Variants in CORO1C observed in about 807,000 individuals in gnomAD.
The protein encoded by CORO1C is coronin-1C.
In CORO1C, 14 loss-of-function variants were observed where a neutral mutation model predicts 51.2. The ratio of observed to expected loss-of-function variants is 0.27; its 90% CI spans 0.18 to 0.43. CORO1C has a LOEUF of 0.43. Ranked by LOEUF, CORO1C falls within the 20% of genes least tolerant of loss-of-function variation. The pLI is 1.00. For synonymous variants in CORO1C, 181 were observed against 210.5 expected (o/e 0.86, Z 1.21); for missense variants, 417 against 607.8 (o/e 0.69, Z 3.30).
intron 2 of CORO1C, among the ~76,000 whole-genome samples, chr12:108,695,844 G>T (rs1331974511): frequency 7.4e-6 from 1 of 134,458 alleles, no homozygotes; most frequent in East Asian, 2.1e-4. Flanking sequence ...ATCACCCTTG[G>T]GAGAACTAAA....
intron 3 of CORO1C, among the ~76,000 whole-genome samples, chr12:108,667,202 A>C (rs573070891): frequency 6.6e-6 from 1 of 152,338 alleles, no homozygotes; most frequent in Non-Finnish European, 1.5e-5. Flanking sequence ...TTGTCTTCAA[A>C]TTAATTCAGC....
At chr12:108,679,300 C>G (rs1200768572) in intron 2 of CORO1C, among the ~76,000 whole-genome samples, 1 of 152,004 alleles carries the variant, frequency 6.6e-6, no homozygotes, top group East Asian at 1.9e-4. Context: ...TTAACACCAA[C>G]TTAGACCTCA....
chr12:108,671,512 GA>G (rs2033720046), intron 3 of CORO1C, among the ~76,000 whole-genome samples: 1 of 151,018 alleles, frequency 6.6e-6, no homozygotes, highest in African/African-American at 2.4e-5. Flanking sequence ...AAAAAGACTG[GA>G]AACTATATAT....
In CORO1C at chr12:108,654,388, G is replaced by C; in HGVS notation, c.773C>G (p.Ala258Gly). The C allele has an allele frequency of 4.3e-6, 7 of 1,610,672 alleles. No homozygotes were observed. The highest frequency in any genetic ancestry group is 5.9e-6 in the Non-Finnish European group (7 of 1,177,312). ...WNPKNMQEPIALHEMDTSNGV... is the reference protein window; with the variant it reads ...WNPKNMQEPIGLHEMDTSNGV... ...ATTGCTAGTGTCCATCTCATGAAGA[G>C]CAATTGGTTCCTGCATATTTTTCTG... Residue 258 changes from alanine (A) to glycine (G), a missense_variant, in exon 7 of 11, where the codon GCT becomes GGT. Transcript: ENST00000261401.
chr12:108,654,899 T>TG (rs2032867164), intron 6 of CORO1C, among the ~76,000 whole-genome samples: 1 of 151,974 alleles, frequency 6.6e-6, no homozygotes, highest in African/African-American at 2.4e-5. Context: ...AGACACAGAG[T>TG]TTCACCATGT....
intron 1 of CORO1C, among the ~76,000 whole-genome samples, chr12:108,705,277 G>A (rs916125655): frequency 4.6e-5 from 7 of 151,678 alleles, no homozygotes; most frequent in Non-Finnish European, 7.4e-5. Flanking sequence ...TCAGGAGTTC[G>A]AGACCAGCTT....
chr12:108,674,312 G>C (rs1229143254), intron 3 of CORO1C, among the ~76,000 whole-genome samples: 2 of 152,160 alleles, frequency 1.3e-5, no homozygotes, highest in Admixed American at 1.3e-4. Flanking sequence ...CCTTTGGGAG[G>C]CCAAGGCGGG....
At chr12:108,716,359 A>C (rs2035337785) in intron 1 of CORO1C, among the ~76,000 whole-genome samples, 1 of 152,186 alleles carries the variant, frequency 6.6e-6, no homozygotes, top group Non-Finnish European at 1.5e-5. Flanking sequence ...CTGGATGCTC[A>C]TATCTTAAAA....
intron 1 of CORO1C, among the ~76,000 whole-genome samples, chr12:108,710,560 TTC>T (rs2035150480): frequency 6.6e-6 from 1 of 152,038 alleles, no homozygotes; most frequent in South Asian, 2.1e-4. Context: ...GTTAAAATTT[TTC>T]TTTTTTTTTT....
intron 1 of CORO1C, among the ~76,000 whole-genome samples, chr12:108,714,648 G>C (rs1592945023): frequency 6.6e-6 from 1 of 151,994 alleles, no homozygotes; most frequent in East Asian, 1.9e-4. Context: ...TGTGGTCCCA[G>C]CTACTCAGGA....
At chr12:108,663,529 C>T (rs1032510247) in intron 3 of CORO1C, among the ~76,000 whole-genome samples, 1 of 152,204 alleles carries the variant, frequency 6.6e-6, no homozygotes, top group African/African-American at 2.4e-5. Context: ...ATACATGCTA[C>T]AACATGAGCA....
rs576110387 is a variant in CORO1C, at chr12:108,662,080, C to T, written c.397G>A (p.Val133Ile). The T allele has an allele frequency of 1.5e-5, 24 of 1,614,126 alleles. No individual in the cohort carries two copies. In the South Asian group the frequency reaches 1.8e-4, roughly 12 times the overall value. The change falls in exon 4 of 11, where the codon GTC (valine) becomes ATC (isoleucine). Residue 133 changes from valine (V) to isoleucine (I), a missense_variant. By Grantham distance (29) the Val-to-Ile change is conservative (BLOSUM62 3). Coordinates refer to ENST00000261401, the MANE Select transcript of CORO1C (RefSeq NM_014325.4). ...VVILEGHSKR[V>I]GIVAWHPTAR... Reference sequence around the variant, plus strand: ...GTTGGATGCCAAGCCACGATGCCGACTCTCTTTGAGTGGCCTTCCAAAATC... The same window carrying T: ...GTTGGATGCCAAGCCACGATGCCGATTCTCTTTGAGTGGCCTTCCAAAATC...
At chr12:108,706,869 C>G (rs2035046317) in intron 1 of CORO1C, among the ~76,000 whole-genome samples, 1 of 152,148 alleles carries the variant, frequency 6.6e-6, no homozygotes, top group African/African-American at 2.4e-5. Flanking sequence ...CAGGTGTGAG[C>G]TACCATGCCT....
intron 8 of CORO1C, among the ~76,000 whole-genome samples, chr12:108,650,131 C>G (rs2136792376): frequency 7.0e-6 from 1 of 143,802 alleles, no homozygotes; most frequent in East Asian, 2.2e-4. Context: ...AAATGTGCCT[C>G]TTTACTATTT....
In CORO1C at chr12:108,678,265, A is replaced by C. The variant is rs775879891; in HGVS notation, c.318+7T>G. 26 of 1,607,760 alleles carry C rather than the reference A, an allele frequency of 1.6e-5. No homozygotes were observed. In the South Asian group the frequency reaches 2.5e-4, roughly 16 times the overall value. The stretch of plus-strand genomic sequence containing the variant: ...GCCTGTGTGCACACAACACCCTGGG[A>C]GCTTACCATGACCGTGCAGTCCTCT... On this transcript the variant is annotated splice_region_variant and intron_variant, in intron 3 of 10. Coordinates refer to ENST00000261401, the MANE Select transcript of CORO1C (RefSeq NM_014325.4).
Position 108,663,069 on chromosome 12 carries a change from G to T in CORO1C, c.319-911C>A, listed in dbSNP as rs939808062. 1.6e-4 allele frequency among the ~76,000 whole-genome samples: 25 copies of T among 152,336 alleles called. No individual in the cohort carries two copies. The South Asian group carries it at 1.9e-3, about 11-fold the overall frequency. ...TAAATGGCGAAAAAGCACATGAAAAGATGTTTGGCATTATTAGTAATTACA... is the reference window on the plus strand; with the variant it reads ...TAAATGGCGAAAAAGCACATGAAAATATGTTTGGCATTATTAGTAATTACA... On this transcript the variant is annotated intron_variant, in intron 3 of 10. Coordinates refer to ENST00000261401, the MANE Select transcript of CORO1C (RefSeq NM_014325.4).
At chr12:108,681,038 C>T (rs1388770648) in intron 2 of CORO1C, among the ~76,000 whole-genome samples, 2 of 152,168 alleles carry the variant, frequency 1.3e-5, no homozygotes, top group Non-Finnish European at 1.5e-5. Context: ...TCTTGTCTCA[C>T]GTTGCCTAGG....
intron 4 of CORO1C, 97 bp downstream of exon 4, chr12:108,661,932 A>G: frequency 7.1e-7 from 1 of 1,401,152 alleles, no homozygotes; most frequent in Middle Eastern, 2.0e-4. Context: ...TCTGCTTTAA[A>G]ACCATATAGC....
intron 7 of CORO1C, among the ~76,000 whole-genome samples, chr12:108,653,971 A>C (rs994377868): frequency 2.6e-5 from 4 of 152,176 alleles, no homozygotes; most frequent in African/African-American, 9.7e-5. Context: ...AAAATCACCA[A>C]TCAGGTAGCA....
Sources: allele counts gnomAD v4.1 joint callset (sites outside exome capture counted in the v4.1 genomes callset), GRCh38; gene constraint gnomAD v4.1.1; transcripts MANE v1.5; gene names NCBI Gene and HGNC (gene_info 2026-07-23, HGNC 2026-07-21).